Variants in FUBP3 observed in about 807,000 individuals in gnomAD.
FUBP3 encodes the protein far upstream element-binding protein 3.
A neutral mutation model predicts 85.6 loss-of-function variants in FUBP3; 28 were observed. That is an observed-to-expected ratio of 0.33 (90% CI 0.24 to 0.45). The LOEUF (loss-of-function observed/expected upper bound fraction) is 0.45. Among genes scored for constraint, FUBP3 ranks in the 20% least tolerant of loss-of-function variants. FUBP3 has a pLI of 1.00. For missense variants in FUBP3, 583 were observed against 755.1 expected (o/e 0.77, Z 2.67); for synonymous variants, 271 against 271.4 (o/e 1.00, Z 0.01).
At chr9:130,595,680 AAG>A (rs1303985182) in intron 2 of FUBP3, 92 bp downstream of exon 2, 108 of 768,924 alleles carry the variant, frequency 1.4e-4, no homozygotes, top group Non-Finnish European at 2.4e-4. Flanking sequence ...CGACTCTCTG[AAG>A]TGTCACTCTG....
Position 130,626,489 on chromosome 9 carries a change from C to T in FUBP3, c.1101C>T (p.Gly367=), listed in dbSNP as rs375519507. 3.1e-6 allele frequency: 5 copies of T among 1,614,004 alleles called. No individual in the cohort carries two copies. The highest frequency in any genetic ancestry group is 4.5e-5 in the East Asian group (2 of 44,890). Residue 367 remains glycine, a synonymous_variant, in exon 12 of 19, where the codon GGC becomes GGT. Coordinates refer to ENST00000319725, the MANE Select transcript of FUBP3 (RefSeq NM_003934.2). ...ACACGGTGCCAGCCGATAAGTGTGG[C>T]CTCGTCATAGGCAAAGGTAAGAGGC... ...ITYTVPADKC[G]LVIGKGGENI...
rs1469097532 is a variant in FUBP3 at position 130,635,365 on chromosome 9, G to C, written c.1582+627G>C. On this transcript the variant is annotated intron_variant, in intron 17 of 18. Coordinates refer to ENST00000319725, the MANE Select transcript of FUBP3 (RefSeq NM_003934.2). This position sits in a 1 kb window ranked among gnomAD's most constrained non-coding sequence, Gnocchi z 4.3. ...CCCACGATTACTAGACCGGAGGACT[G>C]AGGGCTTGTTTAAAGAGGTATCTCA... Among the ~76,000 whole-genome samples the C allele has an allele frequency of 6.6e-6, 1 of 152,234 alleles. No individual in the cohort carries two copies. The highest frequency in any genetic ancestry group is 1.5e-5 in the Non-Finnish European group (1 of 68,042).
intron 1 of FUBP3, among the ~76,000 whole-genome samples, chr9:130,588,102 G>A (rs1055520462): frequency 1.3e-5 from 2 of 152,178 alleles, no homozygotes; most frequent in Non-Finnish European, 2.9e-5. Flanking sequence ...CTGGGTGCCA[G>A]GCAAGGATTC....
chr9:130,586,570 C>T (rs1449326793), intron 1 of FUBP3, among the ~76,000 whole-genome samples: 2 of 151,922 alleles, frequency 1.3e-5, no homozygotes, highest in Non-Finnish European at 2.9e-5. Context: ...TATTAATTCT[C>T]ATTTTATATT....
At chr9:130,602,790 G>C (rs1831219580) in intron 2 of FUBP3, among the ~76,000 whole-genome samples, 3 of 152,128 alleles carry the variant, frequency 2.0e-5, no homozygotes, top group African/African-American at 7.2e-5. Flanking sequence ...AGGCTTTCCA[G>C]GGGCGGTGGA....
At chr9:130,633,347 G>A (rs1289184326) in intron 16 of FUBP3, among the ~76,000 whole-genome samples, 4 of 152,114 alleles carry the variant, frequency 2.6e-5, no homozygotes, top group South Asian at 2.1e-4. Context: ...CCCTCTGCTC[G>A]CTTGGCCATA....
intron 2 of FUBP3, 72 bp downstream of exon 2, chr9:130,595,660 A>G (rs1170412486): frequency 1.3e-6 from 1 of 781,004 alleles, no homozygotes; most frequent in Non-Finnish European, 2.4e-6. Context: ...TTTGTCAGCC[A>G]TTACCTTAAC....
chr9:130,634,812 C>G (rs1830356449), intron 17 of FUBP3, 74 bp downstream of exon 17: 1 of 1,161,092 alleles, frequency 8.6e-7, no homozygotes, highest in South Asian at 1.3e-5. Flanking sequence ...CCAAGGCTCA[C>G]TGTCACCTCT....
intron 1 of FUBP3, among the ~76,000 whole-genome samples, chr9:130,586,197 A>G (rs772662224): frequency 2.6e-5 from 4 of 152,172 alleles, no homozygotes; most frequent in Non-Finnish European, 4.4e-5. Flanking sequence ...ATCACTTGCA[A>G]GACTGAGTAG....
intron 15 of FUBP3, 51 bp from the exon 16 acceptor site, chr9:130,632,151 C>A: frequency 6.6e-7 from 1 of 1,507,950 alleles, no homozygotes; most frequent in Non-Finnish European, 9.2e-7. Context: ...AGGGAGACGA[C>A]AGGGGTGACT....
At chr9:130,610,558 T>G (rs767793916) in intron 3 of FUBP3, among the ~76,000 whole-genome samples, 8 of 152,184 alleles carry the variant, frequency 5.3e-5, no homozygotes, top group Non-Finnish European at 7.3e-5. Flanking sequence ...TTTAGAGAGA[T>G]ACAGAAAGAG....
chr9:130,630,802 C>G lies in FUBP3; in HGVS notation c.1278+14C>G. 1 of 1,452,196 alleles carries G rather than the reference C, an allele frequency of 6.9e-7. No homozygotes were observed. Among genetic ancestry groups the G allele is most frequent in the South Asian group, 1.5e-5 (1 of 66,838 alleles). The allele number at this position is 1,452,196 out of a possible 1,614,324, so 90.0% of individuals were successfully genotyped here. A position where few individuals can be genotyped will look rare whatever the true frequency, so the allele number is the denominator to read the frequency against. On this transcript the variant is annotated intron_variant, in intron 13 of 18. Coordinates refer to ENST00000319725, the MANE Select transcript of FUBP3 (RefSeq NM_003934.2). The stretch of plus-strand genomic sequence containing the variant: ...GAGAAAGTTGGCGTACGTACAGGGT[C>G]CTTCCCCCACCTGGTTTACTCATAG...
intron 2 of FUBP3, among the ~76,000 whole-genome samples, chr9:130,604,051 C>T (rs903441300): frequency 2.0e-5 from 3 of 152,150 alleles, no homozygotes; most frequent in South Asian, 2.1e-4. Flanking sequence ...TATCACTCAG[C>T]GGTAAAACGG....
chr9:130,636,927 C>G, intron 18 of FUBP3, 87 bp from the exon 19 acceptor site: 1 of 1,132,856 alleles, frequency 8.8e-7, no homozygotes, highest in Middle Eastern at 2.0e-4. Context: ...GCCCAGCTCC[C>G]GTGACGCGAG....
At position 130,635,882 on chromosome 9, in the gene FUBP3, A is replaced by G. The variant is rs780412689; in HGVS notation, c.1583-117A>G. On this transcript the variant is annotated intron_variant, in intron 17 of 18. Transcript: ENST00000319725. This position sits in a 1 kb window ranked among gnomAD's most constrained non-coding sequence, Gnocchi z 4.3. The stretch of plus-strand genomic sequence containing the variant: ...CACCAGCCTCACCTCACTGCCTCCC[A>G]GACCTCCCTGCCTTCCAGCCGTCCG... The G allele has an allele frequency of 7.5e-5, 81 of 1,073,278 alleles. No homozygotes were observed. Among genetic ancestry groups the G allele is most frequent in the Non-Finnish European group, 1.0e-4 (76 of 737,952 alleles). 66.5% of individuals were successfully genotyped at this position (1,073,278 alleles called of 1,614,324 possible).
rs879528158 is a variant in FUBP3 at position 130,637,845 on chromosome 9, AAC to A, written c.*830_*831del. On this transcript the variant is annotated 3_prime_UTR_variant, in exon 19 of 19. Coordinates refer to ENST00000319725, the MANE Select transcript of FUBP3 (RefSeq NM_003934.2). ...TATTAAGAAATTCAATATAACTTTTAACACACACTGTGGAACATTAAACCGTA... is the reference window on the plus strand; with the variant it reads ...TATTAAGAAATTCAATATAACTTTTAACACACTGTGGAACATTAAACCGTA... 9 of 152,662 alleles carry A rather than the reference AAC, an allele frequency of 5.9e-5. No homozygotes were observed. Among genetic ancestry groups the A allele is most frequent in the African/African-American group, 1.9e-4 (8 of 41,468 alleles). The allele number at this position is 152,662 out of a possible 1,614,324, so 9.5% of individuals were successfully genotyped here.
intron 11 of FUBP3, among the ~76,000 whole-genome samples, chr9:130,625,544 C>T (rs1179508173): frequency 6.6e-6 from 1 of 152,234 alleles, no homozygotes; most frequent in African/African-American, 2.4e-5. Context: ...CTTAGCTTGA[C>T]CAGGTTCACC....
intron 2 of FUBP3, among the ~76,000 whole-genome samples, chr9:130,607,193 A>G (rs1831503293): frequency 6.6e-6 from 1 of 151,888 alleles, no homozygotes; most frequent in African/African-American, 2.4e-5. Flanking sequence ...GCAGGTCTCG[A>G]ACTCCTGGCC....
chr9:130,586,853 C>T (rs758895352), intron 1 of FUBP3, among the ~76,000 whole-genome samples: 1 of 150,868 alleles, frequency 6.6e-6, no homozygotes, highest in Non-Finnish European at 1.5e-5. Flanking sequence ...CAGGTTCACA[C>T]CATTCTCCTG....
Sources: gnomAD v4.1 joint callset for allele counts (sites outside exome capture counted in the v4.1 genomes callset) on GRCh38, gnomAD v4.1.1 for gene constraint, Gnocchi (gnomAD v3.1) non-coding constraint, MANE v1.5 for transcripts, NCBI Gene and HGNC (gene_info 2026-07-23, HGNC 2026-07-21) for gene names.